AHNAK2: variants seen among roughly 807,000 people sequenced by gnomAD.
AHNAK2 encodes the protein AHNAK nucleoprotein 2.
AHNAK2 carries 18 observed loss-of-function variants against 30.7 expected under a neutral mutation model. The observed-to-expected ratio is 0.59, with a 90% CI of 0.41 to 0.87. AHNAK2 has a LOEUF of 0.87. Among genes scored for constraint, AHNAK2 ranks in the 40% least tolerant of loss-of-function variants. The pLI is 0.00. For synonymous variants in AHNAK2, 3,590 were observed against 3,073.8 expected, an observed-to-expected ratio of 1.17 and a Z score of -5.56; for missense variants, 8,604 against 7,373.0, an observed-to-expected ratio of 1.17 and a Z score of -6.11.
At position 104,943,410 on chromosome 14, in the gene AHNAK2, G is replaced by T. The variant is rs367632268; in HGVS notation, c.12041C>A (p.Thr4014Asn). The change falls in exon 7 of 7, where the codon ACT becomes AAT. Residue 4014 changes from threonine (T) to asparagine (N), a missense_variant. Thr to Asn is a moderately conservative substitution (Grantham distance 65). Transcript: ENST00000333244. ...GGAAGGGGGCTGAACGCTGAGGTCA[G>T]TGGCCTTGAGGTCCCCCTGCATGGA... ...LPSMQGDLKA[T>N]DLSVQPPSAD... is the part of the protein sequence containing the mutation. 6.2e-7 allele frequency: 1 copy of T among 1,613,362 alleles called. No individual in the cohort carries two copies. Among genetic ancestry groups the T allele is most frequent in the East Asian group, 2.2e-5 (1 of 44,804 alleles).
rs1370507588 is a variant in AHNAK2, at chr14:104,978,172, G to T, written c.55+11C>A. The T allele has an allele frequency of 1.7e-6, 2 of 1,211,838 alleles. No individual in the cohort carries two copies. Among genetic ancestry groups the T allele is most frequent in the African/African-American group, 1.6e-5 (1 of 63,528 alleles). The allele number at this position is 1,211,838 out of a possible 1,614,324, so 75.1% of individuals were successfully genotyped here. ...CCCAGGGGAGCGGGCTGCAGGCGGG[G>T]AGGGGCGCACCGCTGCCGGGGGTTC... is the stretch of plus-strand genomic sequence containing the variant. On this transcript the variant is annotated intron_variant, in intron 1 of 6. Coordinates refer to ENST00000333244, the MANE Select transcript of AHNAK2 (RefSeq NM_138420.4).
rs1898020632 is a variant in AHNAK2 at position 104,942,155 on chromosome 14, G to A, written c.13296C>T (p.Asp4432=). 1.9e-6 allele frequency: 3 copies of A among 1,612,432 alleles called. No homozygotes were observed. The highest frequency in any genetic ancestry group is 1.1e-5 in the South Asian group (1 of 91,008). ...LDVSLPSMEV[D]IQAPGAKLDS... Reference sequence around the variant, plus strand: ...CCAGCTTGGCTCCTGGGGCTTGGATGTCCACCTCCATGCTGGGCAGAGACA... The same window carrying A: ...CCAGCTTGGCTCCTGGGGCTTGGATATCCACCTCCATGCTGGGCAGAGACA... Residue 4432 remains aspartate (D), a synonymous_variant, in exon 7 of 7, where the codon GAC becomes GAT. Coordinates refer to ENST00000333244, the MANE Select transcript of AHNAK2 (RefSeq NM_138420.4).
Position 104,943,891 on chromosome 14 carries a change from G to A in AHNAK2, c.11560C>T (p.Gln3854Ter). The A allele has an allele frequency of 6.2e-7, 1 of 1,613,212 alleles. No homozygotes were observed. Among genetic ancestry groups the A allele is most frequent in the South Asian group, 1.1e-5 (1 of 91,034 alleles). Residue 3854 changes from glutamine to a stop codon, truncating the protein, a stop_gained, in exon 7 of 7, where the codon CAG becomes TAG. Coordinates refer to ENST00000333244, the MANE Select transcript of AHNAK2 (RefSeq NM_138420.4). LOFTEE classifies it low-confidence loss of function (END_TRUNC). ...ACCGTCAGGTCGGCAGAATGGGGCT[G>A]AATGCTGAGGTCAGTGGTCTTGAGG... ...GDLKTTDLSI[Q>*]PHSADLTVQA...
intron 1 of AHNAK2, among the ~76,000 whole-genome samples, chr14:104,973,978 C>T (rs1252894244): frequency 2.0e-5 from 3 of 152,242 alleles, no homozygotes; most frequent in Admixed American, 2.0e-4. Flanking sequence ...GCCCCAGCCC[C>T]TCCCCATCCC....
chr14:104,972,853 G>A (rs771136104), intron 1 of AHNAK2, among the ~76,000 whole-genome samples: 4 of 152,358 alleles, frequency 2.6e-5, no homozygotes, highest in East Asian at 3.9e-4. Context: ...AGCCCCTGGC[G>A]GTGGGTGCCC....
At chr14:104,955,187 C>A in intron 5 of AHNAK2, 46 bp from the exon 6 acceptor site, 1 of 1,562,572 alleles carries the variant, frequency 6.4e-7, no homozygotes, top group Non-Finnish European at 8.7e-7. Context: ...GTGAATGAGA[C>A]GGGGTCTGCT....
rs770363964 is a variant in AHNAK2 at position 104,948,574 on chromosome 14, C to T, written c.6877G>A (p.Ala2293Thr). 4 of 1,612,782 alleles carry T rather than the reference C, an allele frequency of 2.5e-6. No individual in the cohort carries two copies. The highest frequency in any genetic ancestry group is 1.1e-5 in the South Asian group (1 of 91,060). Residue 2293 changes from alanine (A) to threonine (T), a missense_variant, in exon 7 of 7, where the codon GCC becomes ACC. Coordinates refer to ENST00000333244, the MANE Select transcript of AHNAK2 (RefSeq NM_138420.4). Reference sequence around the variant, plus strand: ...TCCAGCCGCGCACCATCCAGCTTGGCTCCTGGGGCCTTGACGTCCACCTCC... The same window carrying T: ...TCCAGCCGCGCACCATCCAGCTTGGTTCCTGGGGCCTTGACGTCCACCTCC... Reference protein sequence around the residue: ...SVEVDVKAPGAKLDGARLEGD... With the variant: ...SVEVDVKAPGTKLDGARLEGD...
At chr14:104,976,048 T>C (rs1899581548) in intron 1 of AHNAK2, among the ~76,000 whole-genome samples, 1 of 151,960 alleles carries the variant, frequency 6.6e-6, no homozygotes, top group African/African-American at 2.4e-5. Context: ...GGTGGTGCTT[T>C]CTTGGGGGGT....
rs761446135 is a variant in AHNAK2 at position 104,938,684 on chromosome 14, G to T, written c.16767C>A (p.Leu5589=). Residue 5589 remains leucine, a synonymous_variant, in exon 7 of 7, where the codon CTC becomes CTA. Transcript: ENST00000333244. ...SSVNVLGQQT[L]TFEVPSGHQL... ...GGTGGCCAGAAGGAACTTCAAATGT[G>T]AGTGTTTGCTGTCCCAGTACATTGA... 18 of 1,612,778 alleles carry T rather than the reference G, an allele frequency of 1.1e-5. No homozygotes were observed. The highest frequency in any genetic ancestry group is 1.5e-5 in the Non-Finnish European group (18 of 1,179,428).
chr14:104,954,743 A>G lies in AHNAK2; in HGVS notation c.708T>C (p.Asp236=), dbSNP rs1898918841. 1 of 1,604,986 alleles carries G rather than the reference A, an allele frequency of 6.2e-7. No homozygotes were observed. The highest frequency in any genetic ancestry group is 1.1e-5 in the South Asian group (1 of 90,296). Residue 236 remains aspartate, a synonymous_variant, in exon 7 of 7, where the codon GAT becomes GAC. Coordinates refer to ENST00000333244, the MANE Select transcript of AHNAK2 (RefSeq NM_138420.4). This position sits in a 1 kb window ranked among gnomAD's most constrained non-coding sequence, Gnocchi z 4.3. ...TGGAGATGAGTCTCTCTTGGTCCCCATCTCCTTCCAGAGTTTTCGTGGGGG... is the reference window on the plus strand; with the variant it reads ...TGGAGATGAGTCTCTCTTGGTCCCCGTCTCCTTCCAGAGTTTTCGTGGGGG... ...RETPTKTLEG[D]GDQERLISKP... is the part of the protein sequence containing the mutation.
Position 104,948,104 on chromosome 14 carries a change from C to T in AHNAK2, c.7347G>A (p.Val2449=), listed in dbSNP as rs1566909032. The change falls in exon 7 of 7, where the codon GTG becomes GTA. Residue 2449 remains valine, a synonymous_variant. Coordinates refer to ENST00000333244, the MANE Select transcript of AHNAK2 (RefSeq NM_138420.4). The stretch of plus-strand genomic sequence containing the variant: ...CTCCCGGGGCCTCGACATCCACCTC[C>T]ACGCTGGGCTGAGACACCTCCACGT... ...APDVEVSQPS[V]EVDVEAPGAK... The T allele has an allele frequency of 1.2e-6, 2 of 1,612,870 alleles. No individual in the cohort carries two copies. The highest frequency in any genetic ancestry group is 1.7e-4 in the Middle Eastern group (1 of 6,054).
chr14:104,949,951 C>T lies in AHNAK2; in HGVS notation c.5500G>A (p.Gly1834Arg), dbSNP rs554644072. The T allele has an allele frequency of 2.7e-4, 434 of 1,589,246 alleles. 12 individuals carry two copies. The highest frequency in any genetic ancestry group is 1.5e-3 in the Middle Eastern group (9 of 6,034). ...KMPKFKMPSF[G>R]VSAPGKSIEA... is the part of the protein sequence containing the mutation. ...ATGGACTTGCCTGGGGCAGACACCC[C>T]GAACGACGGCATCTTGAACTTGGGC... Residue 1834 changes from glycine (G) to arginine (R), a missense_variant, in exon 7 of 7, where the codon GGG (glycine) becomes AGG (arginine). Gly to Arg is a moderately radical substitution (Grantham distance 125). Coordinates refer to ENST00000333244, the MANE Select transcript of AHNAK2 (RefSeq NM_138420.4).
In AHNAK2 at chr14:104,946,144, C is replaced by T. The variant is rs746991459; in HGVS notation, c.9307G>A (p.Glu3103Lys). 1.4e-5 allele frequency: 22 copies of T among 1,612,518 alleles called. No homozygotes were observed. The South Asian group carries it at 2.4e-4, about 18-fold the overall frequency. The change falls in exon 7 of 7, where the codon GAG (glutamate) becomes AAG (lysine). Residue 3103 changes from glutamate to lysine, a missense_variant. Glu to Lys is a moderately conservative substitution (Grantham distance 56). Transcript: ENST00000333244. ...PKTDVTAPDV[E>K]VSQPGMEVDV... is the part of the protein sequence containing the mutation. ...ACCTCCATGCCGGGCTGAGACACCT[C>T]CACGTCGGGGGCCGTCACGTCCGTC...
chr14:104,952,386 T>A lies in AHNAK2; in HGVS notation c.3065A>T (p.Asp1022Val), dbSNP rs746520617. 1.9e-6 allele frequency: 3 copies of A among 1,612,466 alleles called. No individual in the cohort carries two copies. Among genetic ancestry groups the A allele is most frequent in the Non-Finnish European group, 2.5e-6 (3 of 1,179,542 alleles). ...GGCCTCCACCTTGGGTGCAGACACA[T>A]CCACCAAGGCCTTGATGGACTTCCC... ...APGKSIKALVDVSAPKVEADL... is the reference protein window; with the variant it reads ...APGKSIKALVVVSAPKVEADL... Residue 1022 changes from aspartate (D) to valine (V), a missense_variant, in exon 7 of 7, where the codon GAT becomes GTT. Coordinates refer to ENST00000333244, the MANE Select transcript of AHNAK2 (RefSeq NM_138420.4).
chr14:104,968,904 G>A (rs1183368241), intron 1 of AHNAK2, among the ~76,000 whole-genome samples: 4 of 152,180 alleles, frequency 2.6e-5, no homozygotes, highest in Non-Finnish European at 5.9e-5. Flanking sequence ...CCATGGAGGC[G>A]GGAGCCCTGT....
Position 104,942,742 on chromosome 14 carries a change from C to T in AHNAK2, c.12709G>A (p.Asp4237Asn). The stretch of plus-strand genomic sequence containing the variant: ...AGGTCCAGCTTGGGGCCCTTGACAT[C>T]CACCTGGGGGCCCTTGAGGGCCACT... ...PKVALKGPQV[D>N]VKGPKLDLKG... The change falls in exon 7 of 7, where the codon GAT becomes AAT. Residue 4237 changes from aspartate to asparagine, a missense_variant. Transcript: ENST00000333244. 1 of 1,613,168 alleles carries T rather than the reference C, an allele frequency of 6.2e-7. No individual in the cohort carries two copies. The highest frequency in any genetic ancestry group is 8.5e-7 in the Non-Finnish European group (1 of 1,179,646).
intron 1 of AHNAK2, among the ~76,000 whole-genome samples, chr14:104,961,044 T>C (rs1415356851): frequency 6.6e-6 from 1 of 151,570 alleles, no homozygotes; most frequent in Non-Finnish European, 1.5e-5. Flanking sequence ...GGCAGGAGAA[T>C]CACTTGAACC....
At position 104,966,029 on chromosome 14, in the gene AHNAK2, G is replaced by A. The variant is rs1373955088; in HGVS notation, c.56-8357C>T. ...CTGCCACTCCCTCACCGCTTCACGG[G>A]CCTTTCCTTGCCCTTCTGCAAGATG... On this transcript the variant is annotated intron_variant, in intron 1 of 6. Transcript: ENST00000333244. The surrounding 1 kb of genome is among the most constrained non-coding windows in gnomAD (Gnocchi z 4.3). 6.6e-6 allele frequency among the ~76,000 whole-genome samples: 1 copy of A among 152,154 alleles called. No homozygotes were observed. The highest frequency in any genetic ancestry group is 1.5e-5 in the Non-Finnish European group (1 of 68,026).
At position 104,954,416 on chromosome 14, in the gene AHNAK2, C is replaced by T. The variant is rs747729185; in HGVS notation, c.1035G>A (p.Gly345=). Residue 345 remains glycine, a synonymous_variant, in exon 7 of 7, where the codon GGG becomes GGA. Coordinates refer to ENST00000333244, the MANE Select transcript of AHNAK2 (RefSeq NM_138420.4). This position sits in a 1 kb window ranked among gnomAD's most constrained non-coding sequence, Gnocchi z 4.3. The part of the protein sequence containing the change: ...GPSSTGQPGR[G]FQSGVGRAGV... ...CAGCACGGCCCACCCCACTCTGGAA[C>T]CCCCTGCCTGGCTGTCCTGTCGATG... The T allele has an allele frequency of 6.2e-7, 1 of 1,612,826 alleles. No individual in the cohort carries two copies. The highest frequency in any genetic ancestry group is 2.2e-5 in the East Asian group (1 of 44,872).
Sources: allele counts gnomAD v4.1 joint callset (sites outside exome capture counted in the v4.1 genomes callset), GRCh38; gene constraint gnomAD v4.1.1; non-coding constraint Gnocchi (gnomAD v3.1); transcripts MANE v1.5; gene names NCBI Gene and HGNC (gene_info 2026-07-23, HGNC 2026-07-21).